The following CLTC variants were observed in gnomAD, a reference collection of about 807,000 sequenced individuals.
CLTC encodes the protein clathrin heavy chain 1.
Under a neutral mutation model 195.8 loss-of-function variants are expected in CLTC, and 16 were observed. The observed-to-expected ratio is 0.08, with a 90% CI of 0.06 to 0.12. The LOEUF (loss-of-function observed/expected upper bound fraction) is 0.12, where lower values mean the gene tolerates loss of function less well. Among genes scored for constraint, CLTC ranks in the 10% least tolerant of loss-of-function variants. The probability of loss-of-function intolerance (pLI) is 1.00; values close to 1 mark genes in which losing one functional copy is unlikely to be tolerated. For missense variants in CLTC, 796 were observed against 2,027.0 expected (o/e 0.39, Z 11.66); for synonymous variants, 667 against 689.4 (o/e 0.97, Z 0.51).
chr17:59,693,080 A>G (rs528923894), intron 31 of CLTC, among the ~76,000 whole-genome samples: 1 of 152,340 alleles, frequency 6.6e-6, no homozygotes, highest in Admixed American at 6.5e-5. Flanking sequence ...AAAACATGTC[A>G]TTTAGACCAA....
intron 1 of CLTC, 120 bp from the exon 2 acceptor site, chr17:59,644,156 G>T (rs781308344): frequency 5.6e-6 from 4 of 719,716 alleles, no homozygotes; most frequent in Non-Finnish European, 9.1e-6. Context: ...TTAACATAAT[G>T]TAGATGTTAT....
intron 18 of CLTC, among the ~76,000 whole-genome samples, chr17:59,680,142 A>G (rs2033053296): frequency 6.6e-6 from 1 of 152,224 alleles, no homozygotes; most frequent in South Asian, 2.1e-4. Flanking sequence ...TAAAAGGAAA[A>G]TAACAAACTA....
rs555313125 is a variant in CLTC at position 59,686,951 on chromosome 17, A to G, written c.4827+1143A>G. 8 of 972,224 alleles carry G rather than the reference A, an allele frequency of 8.2e-6. No homozygotes were observed. The South Asian group carries it at 3.3e-4, about 40-fold the overall frequency. The allele number at this position is 972,224 out of a possible 1,614,324, so 60.2% of individuals were successfully genotyped here. ...TGCTGATTCTACCTTTTTATGCTCA[A>G]TATGGAATTGATTTTTTTTCTAAGC... On this transcript the variant is annotated intron_variant, in intron 30 of 31. Coordinates refer to ENST00000269122, the MANE Select transcript of CLTC (RefSeq NM_004859.4).
At chr17:59,669,029 C>T in intron 14 of CLTC, 89 bp downstream of exon 14, 1 of 1,213,244 alleles carries the variant, frequency 8.2e-7, no homozygotes, top group African/African-American at 1.5e-5. Flanking sequence ...ATATTTTTTC[C>T]CTAAATGTGA....
chr17:59,637,698 CAA>C lies in CLTC; in HGVS notation c.43-6561_43-6560del, dbSNP rs35693192. 2.0e-3 allele frequency among the ~76,000 whole-genome samples: 228 copies of C among 113,480 alleles called. 2 individuals are homozygous for C. In the East Asian group the frequency reaches 0.029, roughly 14 times the overall value. The allele number at this position is 113,480 out of a possible 152,430, so 74.4% of individuals were successfully genotyped here. ...GGAAACAAAGTGCTGCCTATCTCTA[CAA>C]AAAAAAAAAAAAAAAATTAGCTGGG... On this transcript the variant is annotated intron_variant, in intron 1 of 31. Transcript: ENST00000269122.
intron 1 of CLTC, among the ~76,000 whole-genome samples, chr17:59,639,983 T>C (rs1470236663): frequency 6.6e-6 from 1 of 151,988 alleles, no homozygotes; most frequent in East Asian, 1.9e-4. Context: ...TACAATTCAG[T>C]TTCTGTGGTA....
chr17:59,620,054 C>A lies in CLTC; in HGVS notation c.-78C>A. Reference sequence around the variant, plus strand: ...CCAGCCTCCCCCCTCCCCTTCTCCTCCTCTCCCTTGGAGAGCCCGGGCAGC... The same window carrying A: ...CCAGCCTCCCCCCTCCCCTTCTCCTACTCTCCCTTGGAGAGCCCGGGCAGC... On this transcript the variant is annotated 5_prime_UTR_variant, in exon 1 of 32. Transcript: ENST00000269122. 7.2e-7 allele frequency: 1 copy of A among 1,385,462 alleles called. No individual in the cohort carries two copies. Among genetic ancestry groups the A allele is most frequent in the South Asian group, 1.2e-5 (1 of 84,562 alleles). 85.8% of individuals were successfully genotyped at this position (1,385,462 alleles called of 1,614,324 possible).
chr17:59,620,718 T>G (rs1332179725), intron 1 of CLTC, among the ~76,000 whole-genome samples: 17 of 131,416 alleles, frequency 1.3e-4, no homozygotes, highest in East Asian at 2.5e-4. Flanking sequence ...GGGTTGGGGG[T>G]GGTGGTGAGG....
chr17:59,651,065 A>ATG, intron 4 of CLTC, 138 bp from the exon 5 acceptor site: 1 of 581,024 alleles, frequency 1.7e-6, no homozygotes. Flanking sequence ...ATTCCATGGT[A>ATG]TGGATGTAAC....
At chr17:59,692,664 G>C (rs1407327564) in intron 31 of CLTC, among the ~76,000 whole-genome samples, 1 of 152,016 alleles carries the variant, frequency 6.6e-6, no homozygotes, top group African/African-American at 2.4e-5. Context: ...CCAAGATGGG[G>C]TCTCGTCTGT....
intron 28 of CLTC, chr17:59,684,206 GAT>G: frequency 2.2e-6 from 1 of 464,904 alleles, no homozygotes; most frequent in Non-Finnish European, 3.8e-6. Flanking sequence ...TGAAAAAAAT[GAT>G]ATGATTACTT....
In CLTC at chr17:59,683,229, G is replaced by A; in HGVS notation, c.4008G>A (p.Leu1336=). The A allele has an allele frequency of 1.2e-6, 2 of 1,614,132 alleles. No individual in the cohort carries two copies. Among genetic ancestry groups the A allele is most frequent in the Non-Finnish European group, 1.7e-6 (2 of 1,179,994 alleles). The part of the protein sequence containing the change: ...KFKPQKMREH[L]ELFWSRVNIP... ...AGCCTCAGAAAATGAGGGAGCACCTGGAGCTGTTCTGGTCTAGAGTGAATA... is the reference window on the plus strand; with the variant it reads ...AGCCTCAGAAAATGAGGGAGCACCTAGAGCTGTTCTGGTCTAGAGTGAATA... Residue 1336 remains leucine (L), a synonymous_variant, in exon 25 of 32, where the codon CTG becomes CTA. Transcript: ENST00000269122. This position sits in a 1 kb window ranked among gnomAD's most constrained non-coding sequence, Gnocchi z 6.1.
Position 59,668,903 on chromosome 17 carries a change from A to G in CLTC, c.2255A>G (p.Asn752Ser). The G allele has an allele frequency of 6.2e-7, 1 of 1,613,172 alleles. No individual in the cohort carries two copies. Among genetic ancestry groups the G allele is most frequent in the Non-Finnish European group, 8.5e-7 (1 of 1,179,672 alleles). ...GTAGAAAGAATCTGTAGAGAAAGCA[A>G]CTGCTACGATCCTGAGCGAGTCAAG... ...KEVERICRES[N>S]CYDPERVKNF... Residue 752 changes from asparagine to serine, a missense_variant, in exon 14 of 32, where the codon AAC (asparagine) becomes AGC (serine). Transcript: ENST00000269122.
At chr17:59,692,256 G>A (rs1227379395) in intron 31 of CLTC, among the ~76,000 whole-genome samples, 1 of 152,218 alleles carries the variant, frequency 6.6e-6, no homozygotes, top group Non-Finnish European at 1.5e-5. Context: ...GGCAAAGGCT[G>A]CAGTGAGCCA....
At chr17:59,672,557 T>C (rs1239408966) in intron 14 of CLTC, among the ~76,000 whole-genome samples, 2 of 152,278 alleles carry the variant, frequency 1.3e-5, no homozygotes, top group East Asian at 3.9e-4. Context: ...GTGCAGAGTT[T>C]CCATGGTGTT....
Position 59,695,253 on chromosome 17 carries a change from T to G in CLTC, c.*1401T>G, listed in dbSNP as rs1434081312. The G allele has an allele frequency of 5.1e-6, 1 of 195,502 alleles. No individual in the cohort carries two copies. Among genetic ancestry groups the G allele is most frequent in the African/African-American group, 2.3e-5 (1 of 43,194 alleles). 12.1% of individuals were successfully genotyped at this position (195,502 alleles called of 1,614,324 possible). ...TAAAGTTCATTTCACTATCCCTTAA[T>G]CCTCAATAGCTACACATACCCCCTT... is the stretch of plus-strand genomic sequence containing the variant. On this transcript the variant is annotated 3_prime_UTR_variant, in exon 32 of 32. Coordinates refer to ENST00000269122, the MANE Select transcript of CLTC (RefSeq NM_004859.4).
At chr17:59,629,330 A>G (rs1045973979) in intron 1 of CLTC, among the ~76,000 whole-genome samples, 1 of 152,116 alleles carries the variant, frequency 6.6e-6, no homozygotes, top group African/African-American at 2.4e-5. Context: ...TTCTGTTCTG[A>G]GCACCAGAAT....
chr17:59,649,706 CAGTA>C (rs1431755499), intron 4 of CLTC, among the ~76,000 whole-genome samples: 3 of 152,112 alleles, frequency 2.0e-5, no homozygotes, highest in African/African-American at 4.8e-5. Flanking sequence ...AGAGAGGAAA[CAGTA>C]AGTAATGACA....
intron 6 of CLTC, 47 bp from the exon 7 acceptor site, chr17:59,660,344 T>G: frequency 6.7e-7 from 1 of 1,482,238 alleles, no homozygotes; most frequent in Non-Finnish European, 9.4e-7. Flanking sequence ...GTATCATTTG[T>G]ATCCAAATGA....
Sources: allele counts gnomAD v4.1 joint callset (sites outside exome capture counted in the v4.1 genomes callset), GRCh38; gene constraint gnomAD v4.1.1; non-coding constraint Gnocchi (gnomAD v3.1); transcripts MANE v1.5; gene names NCBI Gene and HGNC (gene_info 2026-07-23, HGNC 2026-07-21).